CYP2U1: variants seen among roughly 807,000 people sequenced by gnomAD.
The protein encoded by CYP2U1 is cytochrome P450 2U1.
Under a neutral mutation model 42.8 loss-of-function variants are expected in CYP2U1, and 28 were observed. The ratio of observed to expected loss-of-function variants is 0.65; its 90% CI spans 0.48 to 0.90. The LOEUF is 0.90. CYP2U1 is among the 40% of genes least tolerant of loss of function. The pLI is 0.00. For missense variants in CYP2U1, 642 were observed against 693.8 expected (o/e 0.93, Z 0.84); for synonymous variants, 296 against 278.9 (o/e 1.06, Z -0.61).
Position 107,945,040 on chromosome 4 carries a change from T to C in CYP2U1, c.561T>C (p.His187=), listed in dbSNP as rs1733646898. 1 of 1,613,512 alleles carries C rather than the reference T, an allele frequency of 6.2e-7. No individual in the cohort carries two copies. Among genetic ancestry groups the C allele is most frequent in the Non-Finnish European group, 8.5e-7 (1 of 1,179,898 alleles). The change falls in exon 2 of 5, where the codon CAT becomes CAC. Residue 187 remains histidine, a synonymous_variant. Transcript: ENST00000332884. ...AGTTCTCTCATTCAACTCTTCGTCA[T>C]TTTGGGTTGGGAAAACTTAGCTTGG... ...QRKFSHSTLR[H]FGLGKLSLEP... is the part of the protein sequence containing the mutation.
intron 1 of CYP2U1, among the ~76,000 whole-genome samples, chr4:107,944,193 A>G (rs1733596574): frequency 6.6e-6 from 1 of 152,196 alleles, no homozygotes; most frequent in Admixed American, 6.5e-5. Context: ...ACAATGAGAT[A>G]TGGTCTGTGC....
chr4:107,939,172 T>C (rs1733389357), intron 1 of CYP2U1: 1 of 151,850 alleles, frequency 6.6e-6, no homozygotes, highest in Admixed American at 6.6e-5. Context: ...AAAAAATAAA[T>C]AAAAATAGGG....
intron 4 of CYP2U1, 27 bp from the exon 5 acceptor site, chr4:107,950,218 T>G: frequency 6.4e-7 from 1 of 1,574,286 alleles, no homozygotes; most frequent in African/African-American, 1.4e-5. Flanking sequence ...ATTATAATCC[T>G]TCATTTTTTT....
chr4:107,944,852 T>TATATATATACATATATATA, intron 1 of CYP2U1, 118 bp from the exon 2 acceptor site: 3 of 98,184 alleles, frequency 3.1e-5, no homozygotes, highest in Non-Finnish European at 5.0e-5. Context: ...ATATATATAT[T>TATATATATACATATATATA]TATATGAGGA....
At position 107,934,173 on chromosome 4, in the gene CYP2U1, CTT is replaced by C. The variant is rs57049253; in HGVS notation, c.490+2055_490+2056del. ...TTTCTCCACGTCCTCACCAACACTT[CTT>C]TTTTTTTTTTTTTTCACACTTGCTT... On this transcript the variant is annotated intron_variant, in intron 1 of 4. Transcript: ENST00000332884. 6.9e-3 allele frequency among the ~76,000 whole-genome samples: 971 copies of C among 141,066 alleles called. 6 individuals carry two copies. Among genetic ancestry groups the C allele is most frequent in the African/African-American group, 0.017 (653 of 38,092 alleles). The allele number at this position is 141,066 out of a possible 152,430, so 92.5% of individuals were successfully genotyped here. A position where few individuals can be genotyped will look rare whatever the true frequency, so the allele number is the denominator to read the frequency against.
chr4:107,932,969 C>G (rs1264559330), intron 1 of CYP2U1, among the ~76,000 whole-genome samples: 1 of 152,192 alleles, frequency 6.6e-6, no homozygotes, highest in African/African-American at 2.4e-5. Flanking sequence ...GGATGTCAGT[C>G]TTCACCACTG....
At chr4:107,937,355 G>A (rs934858086) in intron 1 of CYP2U1, 32 of 152,090 alleles carry the variant, frequency 2.1e-4, no homozygotes, top group African/African-American at 1.2e-4. Flanking sequence ...ACATTGAGAC[G>A]GCCTGAATTC....
chr4:107,941,320 A>G (rs1048174019), intron 1 of CYP2U1: 2 of 152,142 alleles, frequency 1.3e-5, no homozygotes, highest in African/African-American at 4.8e-5. Context: ...AGAGAAACTG[A>G]TAAATCCACC....
chr4:107,944,756 T>C (rs1733620292), intron 1 of CYP2U1, among the ~76,000 whole-genome samples: 1 of 145,906 alleles, frequency 6.9e-6, no homozygotes, highest in Admixed American at 7.0e-5. Flanking sequence ...TTAGATATGA[T>C]TTTTGTTATT....
At chr4:107,946,418 A>G (rs1733698918) in intron 2 of CYP2U1, among the ~76,000 whole-genome samples, 1 of 152,156 alleles carries the variant, frequency 6.6e-6, no homozygotes, top group South Asian at 2.1e-4. Context: ...CCAGGTGACC[A>G]AGGATAATCT....
chr4:107,934,118 C>T (rs1733160133), intron 1 of CYP2U1, among the ~76,000 whole-genome samples: 1 of 151,558 alleles, frequency 6.6e-6, no homozygotes. Flanking sequence ...ACAGTGAGTG[C>T]ACCAGTTTAC....
chr4:107,947,232 T>C (rs1733725429), intron 2 of CYP2U1, 144 bp from the exon 3 acceptor site: 3 of 688,318 alleles, frequency 4.4e-6, no homozygotes, highest in Non-Finnish European at 7.4e-6. Context: ...GTCTGACCAA[T>C]GCTTCAACTT....
At chr4:107,949,239 C>T in intron 3 of CYP2U1, 111 bp from the exon 4 acceptor site, 3 of 1,072,916 alleles carry the variant, frequency 2.8e-6, no homozygotes, top group Non-Finnish European at 3.7e-6. Flanking sequence ...TGGTCTCAGC[C>T]AATTAAAGTG....
chr4:107,950,599 G>A lies in CYP2U1; in HGVS notation c.*176G>A, dbSNP rs1362285531. On this transcript the variant is annotated 3_prime_UTR_variant, in exon 5 of 5. Coordinates refer to ENST00000332884, the MANE Select transcript of CYP2U1 (RefSeq NM_183075.3). Reference sequence around the variant, plus strand: ...TTTCATCTTGGAGGATTCCTCAGCAGGATACTTCAGCCATTTTAGTAATGC... The same window carrying A: ...TTTCATCTTGGAGGATTCCTCAGCAAGATACTTCAGCCATTTTAGTAATGC... 1.3e-5 allele frequency: 7 copies of A among 542,094 alleles called. No homozygotes were observed. The highest frequency in any genetic ancestry group is 2.1e-5 in the Non-Finnish European group (7 of 330,916). The allele number at this position is 542,094 out of a possible 1,614,324, so 33.6% of individuals were successfully genotyped here. A position where few individuals can be genotyped will look rare whatever the true frequency, so the allele number is the denominator to read the frequency against.
intron 4 of CYP2U1, among the ~76,000 whole-genome samples, chr4:107,950,026 T>C (rs767478166): frequency 9.2e-5 from 14 of 152,198 alleles, no homozygotes; most frequent in Non-Finnish European, 1.9e-4. Flanking sequence ...AGAATGGGGA[T>C]AGGTTTTTAT....
At chr4:107,944,839 C>CATATATATATATATATAT (rs374845038) in intron 1 of CYP2U1, 131 bp from the exon 2 acceptor site, 1,099 of 64,086 alleles carry the variant, frequency 0.017, 188 homozygotes, top group African/African-American at 0.047. Context: ...TTTATATATA[C>CATATATATATATATATAT]ATATATATAT....
chr4:107,931,649 G>C lies in CYP2U1; in HGVS notation c.6G>C (p.Ser2=). Residue 2 remains serine (S), a synonymous_variant, in exon 1 of 5, where the codon TCG becomes TCC. Transcript: ENST00000332884. ...AGGCCGCCGGCGCCCGGACCATGTC[G>C]TCTCCGGGGCCGTCGCAGCCGCCGG... M[S]SPGPSQPPAE... is the part of the protein sequence containing the mutation. 8.0e-7 allele frequency: 1 copy of C among 1,255,870 alleles called. No homozygotes were observed. The highest frequency in any genetic ancestry group is 1.0e-6 in the Non-Finnish European group (1 of 1,004,244). 77.8% of individuals were successfully genotyped at this position (1,255,870 alleles called of 1,614,324 possible).
chr4:107,934,603 C>T (rs939873521), intron 1 of CYP2U1, among the ~76,000 whole-genome samples: 1 of 152,194 alleles, frequency 6.6e-6, no homozygotes, highest in Non-Finnish European at 1.5e-5. Context: ...AACCAATTGC[C>T]TCTGCACTCC....
At chr4:107,938,845 C>T (rs1192578774) in intron 1 of CYP2U1, 1 of 152,010 alleles carries the variant, frequency 6.6e-6, no homozygotes, top group Non-Finnish European at 1.5e-5. Flanking sequence ...TAGGACAAAG[C>T]AGAGATGCTA....
Sources: gnomAD v4.1 joint callset for allele counts (sites outside exome capture counted in the v4.1 genomes callset) on GRCh38, gnomAD v4.1.1 for gene constraint, MANE v1.5 for transcripts, NCBI Gene and HGNC (gene_info 2026-07-23, HGNC 2026-07-21) for gene names.